The following TPST2 variants were observed in gnomAD, a reference collection of about 807,000 sequenced individuals.
The protein encoded by TPST2 is protein-tyrosine sulfotransferase 2.
In TPST2, 16 loss-of-function variants were observed where a neutral mutation model predicts 27.8. The observed-to-expected ratio is 0.58, with a 90% CI of 0.39 to 0.88. The LOEUF is 0.88. TPST2 is among the 40% of genes least tolerant of loss of function. The pLI, the probability that TPST2 is intolerant of heterozygous loss-of-function variation, is 0.00. For synonymous variants in TPST2, 229 were observed against 231.7 expected (o/e 0.99, Z 0.10); for missense variants, 464 against 543.1 (o/e 0.85, Z 1.45).
At chr22:26,570,033 A>AAG in intron 1 of TPST2, among the ~76,000 whole-genome samples, 1 of 127,326 alleles carries the variant, frequency 7.9e-6, no homozygotes, top group East Asian at 2.2e-4. Context: ...GAAAGAAAGA[A>AAG]AGAAAGAAAG....
At chr22:26,566,207 A>C (rs1011875699) in intron 1 of TPST2, among the ~76,000 whole-genome samples, 1 of 151,870 alleles carries the variant, frequency 6.6e-6, no homozygotes, top group Non-Finnish European at 1.5e-5. Flanking sequence ...ACCTGAGGTC[A>C]GGAGTTAGAG....
intron 1 of TPST2, among the ~76,000 whole-genome samples, chr22:26,550,036 T>C (rs1379223400): frequency 1.0e-5 from 1 of 96,296 alleles, no homozygotes; most frequent in Admixed American, 9.6e-5. Context: ...CAAGACTCCA[T>C]CTCAAAAAAA....
chr22:26,560,957 T>A, intron 1 of TPST2: 2 of 1,610,160 alleles, frequency 1.2e-6, no homozygotes, highest in Non-Finnish European at 1.7e-6. Flanking sequence ...AGCAGCCTTA[T>A]GAAAAGAAGG....
chr22:26,562,189 C>G (rs1270071672), intron 1 of TPST2, among the ~76,000 whole-genome samples: 1 of 152,234 alleles, frequency 6.6e-6, no homozygotes, highest in Non-Finnish European at 1.5e-5. Context: ...GAAGGCAAGC[C>G]TAGCTCCTCC....
intron 1 of TPST2, among the ~76,000 whole-genome samples, chr22:26,546,830 C>T (rs780093624): frequency 6.6e-6 from 1 of 152,180 alleles, no homozygotes; most frequent in Non-Finnish European, 1.5e-5. Context: ...TTTCAAATCA[C>T]TCTTGAACTA....
chr22:26,583,624 G>C lies in TPST2; in HGVS notation c.-161+6429C>G, dbSNP rs533625410. 4.7e-3 allele frequency among the ~76,000 whole-genome samples: 716 copies of C among 152,006 alleles called. 5 individuals are homozygous for C. The highest frequency in any genetic ancestry group is 7.8e-3 in the Non-Finnish European group (527 of 67,972). ...TAATCCCAGCACTTTGGGAGGCCAA[G>C]GCAGGCGGAGTTCGAGACCAGCCTG... On this transcript the variant is annotated intron_variant, in intron 1 of 6. Transcript: ENST00000338754.
chr22:26,522,753 G>C lies in TPST2; in HGVS notation c.*3522C>G, dbSNP rs989281493. 1 of 152,276 alleles carries C rather than the reference G, an allele frequency of 6.6e-6. No individual in the cohort carries two copies. 9.4% of individuals were successfully genotyped at this position (152,276 alleles called of 1,614,324 possible). The stretch of plus-strand genomic sequence containing the variant: ...CTCTAGAACAGGCAGCTGGTAAAAG[G>C]AGTGGTGTTAGATCAGCACATGTTC... On this transcript the variant is annotated 3_prime_UTR_variant, in exon 7 of 7. Coordinates refer to ENST00000338754, the MANE Select transcript of TPST2 (RefSeq NM_003595.5).
intron 1 of TPST2, among the ~76,000 whole-genome samples, chr22:26,569,626 G>A (rs1204268526): frequency 6.6e-6 from 1 of 151,678 alleles, no homozygotes; most frequent in Non-Finnish European, 1.5e-5. Context: ...TCCAGCCTGG[G>A]CAACAGAGAG....
At chr22:26,563,135 C>T (rs1927205255) in intron 1 of TPST2, among the ~76,000 whole-genome samples, 1 of 152,174 alleles carries the variant, frequency 6.6e-6, no homozygotes, top group African/African-American at 2.4e-5. Flanking sequence ...CGAGGTCTTT[C>T]CGTGTCAGCA....
intron 1 of TPST2, among the ~76,000 whole-genome samples, chr22:26,577,013 G>A (rs1176791592): frequency 1.3e-5 from 2 of 150,852 alleles, no homozygotes; most frequent in Non-Finnish European, 2.9e-5. Flanking sequence ...GGAGAATGGT[G>A]TGAACCCGGG....
At position 26,532,716 on chromosome 22, in the gene TPST2, G is replaced by A. The variant is rs369378701; in HGVS notation, c.1071C>T (p.Ala357=). Residue 357 remains alanine (A), a synonymous_variant, in exon 5 of 7, where the codon GCC becomes GCT. Transcript: ENST00000338754. ...RVLKGDYKTP[A]NLKGYFQVNQ... ...TAACCTGAAAATATCCTTTCAGATT[G>A]GCTGGTGTTTTATAGTCCCCTTTCA... 1.9e-6 allele frequency: 3 copies of A among 1,613,868 alleles called. No individual in the cohort carries two copies. Among genetic ancestry groups the A allele is most frequent in the African/African-American group, 2.7e-5 (2 of 74,914 alleles).
intron 1 of TPST2, among the ~76,000 whole-genome samples, chr22:26,553,934 T>C (rs1343541420): frequency 6.6e-6 from 1 of 152,122 alleles, no homozygotes; most frequent in African/African-American, 2.4e-5. Context: ...AACCACCCAT[T>C]TTTTCCCGAA....
intron 1 of TPST2, among the ~76,000 whole-genome samples, chr22:26,559,394 T>C (rs1926967711): frequency 6.6e-6 from 1 of 152,178 alleles, no homozygotes; most frequent in Non-Finnish European, 1.5e-5. Context: ...AAGTGTACAG[T>C]TCAATGGTCT....
chr22:26,563,328 CTTCT>C (rs1476308326), intron 1 of TPST2, among the ~76,000 whole-genome samples: 18 of 139,728 alleles, frequency 1.3e-4, no homozygotes, highest in African/African-American at 3.6e-4. Flanking sequence ...CCTCCCTCTT[CTTCT>C]TTTTTTTTTT....
At position 26,578,205 on chromosome 22, in the gene TPST2, T is replaced by C. The variant is rs73163220; in HGVS notation, c.-161+11848A>G. Among the ~76,000 whole-genome samples, 850 of 152,286 alleles carry C rather than the reference T, an allele frequency of 5.6e-3. 7 individuals are homozygous for C. Among genetic ancestry groups the C allele is most frequent in the Middle Eastern group, 6.8e-3 (2 of 294 alleles). On this transcript the variant is annotated intron_variant, in intron 1 of 6. Transcript: ENST00000338754. ...AATCTATGAGGACAGTGCTCTGTCA[T>C]TCCATTTTACAGCTGAGGAAGCCAA...
intron 1 of TPST2, among the ~76,000 whole-genome samples, chr22:26,545,406 G>C (rs1335429944): frequency 2.0e-5 from 3 of 152,202 alleles, no homozygotes; most frequent in Non-Finnish European, 2.9e-5. Flanking sequence ...TGTCCACGAT[G>C]AGTCCTGGCA....
intron 1 of TPST2, among the ~76,000 whole-genome samples, chr22:26,573,273 C>T (rs758684607): frequency 5.9e-5 from 9 of 152,116 alleles, no homozygotes; most frequent in Non-Finnish European, 1.2e-4. Context: ...TAAAGTGATC[C>T]ACCCTCCTTG....
intron 1 of TPST2, among the ~76,000 whole-genome samples, chr22:26,567,773 TAA>T (rs1167495649): frequency 2.0e-5 from 3 of 152,200 alleles, no homozygotes; most frequent in African/African-American, 7.2e-5. Context: ...ACATACTTCA[TAA>T]AAGAGGTTAT....
chr22:26,550,740 C>A (rs1234525050), intron 1 of TPST2: 4 of 786,856 alleles, frequency 5.1e-6, no homozygotes, highest in Non-Finnish European at 6.2e-6. Context: ...CCAACTCCCA[C>A]CCACCACGCC....
Sources: gnomAD v4.1 joint callset for allele counts (sites outside exome capture counted in the v4.1 genomes callset) on GRCh38, gnomAD v4.1.1 for gene constraint, MANE v1.5 for transcripts, NCBI Gene and HGNC (gene_info 2026-07-23, HGNC 2026-07-21) for gene names.